POLD1: variants seen among roughly 807,000 people sequenced by gnomAD.
POLD1 encodes DNA polymerase delta 1, catalytic subunit, also known as DNA polymerase delta catalytic subunit.
Under a neutral mutation model 129.7 loss-of-function variants are expected in POLD1, and 79 were observed. The ratio of observed to expected loss-of-function variants is 0.61; its 90% CI spans 0.51 to 0.73. The LOEUF (loss-of-function observed/expected upper bound fraction) is 0.73. Ranked by LOEUF, POLD1 falls within the 30% of genes least tolerant of loss-of-function variation. The pLI is 0.00. For synonymous variants in POLD1, 714 were observed against 683.3 expected (o/e 1.04, Z -0.70); for missense variants, 1,338 against 1,595.8 (o/e 0.84, Z 2.75).
chr19:50,407,446 C>T (rs1002781666), intron 14 of POLD1, 31 bp downstream of exon 14: 12 of 1,449,222 alleles, frequency 8.3e-6, no homozygotes, highest in Non-Finnish European at 1.1e-5. Context: ...CAGTTTTTAC[C>T]TGTAATCTCT....
At position 50,403,549 on chromosome 19, in the gene POLD1, C is replaced by G. The variant is rs878854519; in HGVS notation, c.1194C>G (p.Ile398Met). 6 of 1,614,092 alleles carry G rather than the reference C, an allele frequency of 3.7e-6. No homozygotes were observed. Among genetic ancestry groups the G allele is most frequent in the Non-Finnish European group, 5.1e-6 (6 of 1,179,914 alleles). The change falls in exon 10 of 27, where the codon ATC becomes ATG. Residue 398 changes from isoleucine to methionine, a missense_variant. Physicochemically the swap from Ile to Met is conservative, Grantham distance 10 (BLOSUM62 1). Transcript: ENST00000440232. ...MDPDVITGYN[I>M]QNFDLPYLIS... The stretch of plus-strand genomic sequence containing the variant: ...CCGACGTGATCACCGGTTACAACAT[C>G]CAGAACTTCGACCTTCCGTACCTCA...
At chr19:50,387,360 C>T (rs536991714) in intron 1 of POLD1, among the ~76,000 whole-genome samples, 5 of 152,092 alleles carry the variant, frequency 3.3e-5, no homozygotes, top group Admixed American at 6.6e-5. Flanking sequence ...TCTCACTCAT[C>T]GAGAAAACTG....
chr19:50,398,903 G>T lies in POLD1; in HGVS notation c.52G>T (p.Ala18Ser). 6 of 1,600,730 alleles carry T rather than the reference G, an allele frequency of 3.7e-6. No homozygotes were observed. Among genetic ancestry groups the T allele is most frequent in the Non-Finnish European group, 5.1e-6 (6 of 1,175,136 alleles). ...AGGGCCCGGGGTGCCCCCAAAGCGG[G>T]CCCGTGGGGGCCTCTGGGATGATGA... is the stretch of plus-strand genomic sequence containing the variant. ...GPGPGVPPKR[A>S]RGGLWDDDDA... The change falls in exon 2 of 27, where the codon GCC (alanine) becomes TCC (serine). Residue 18 changes from alanine to serine, a missense_variant. This residue lies in a region of POLD1 where 332 missense variants were observed against 315.7 expected (regional missense o/e 1.05). Coordinates refer to ENST00000440232, the MANE Select transcript of POLD1 (RefSeq NM_002691.4).
chr19:50,400,133 A>ATT (rs71182715), intron 3 of POLD1, among the ~76,000 whole-genome samples: 787 of 48,110 alleles, frequency 0.016, 59 homozygotes, highest in South Asian at 0.029. Context: ...TTTTTAAAAG[A>ATT]TTTTTTTTTT....
intron 1 of POLD1, among the ~76,000 whole-genome samples, chr19:50,389,197 A>G (rs7248687): frequency 0.052 from 7,798 of 149,580 alleles, 684 homozygotes; most frequent in African/African-American, 0.18. Flanking sequence ...GGGTGGTCAC[A>G]GCTCACTGCA....
chr19:50,393,043 C>T (rs189690684), intron 1 of POLD1, among the ~76,000 whole-genome samples: 2 of 152,198 alleles, frequency 1.3e-5, no homozygotes, highest in East Asian at 1.9e-4. Context: ...GGATTTCAAA[C>T]GATGCTTCCG....
rs772384393 is a variant in POLD1, at chr19:50,401,824, C to T, written c.363C>T (p.Ser121=). The T allele has an allele frequency of 2.5e-6, 4 of 1,613,598 alleles. No homozygotes were observed. The highest frequency in any genetic ancestry group is 3.4e-6 in the Non-Finnish European group (4 of 1,179,906). ...GGGGGCCCCCACCATCCCGCGGCTC[C>T]GTGCCTGTGCTCCGCGCCTTCGGGG... ...VPGGPPPSRG[S]VPVLRAFGVT... The change falls in exon 4 of 27, where the codon TCC becomes TCT. Residue 121 remains serine (S), a synonymous_variant. Coordinates refer to ENST00000440232, the MANE Select transcript of POLD1 (RefSeq NM_002691.4).
chr19:50,416,599 C>T lies in POLD1; in HGVS notation c.2954-11C>T, dbSNP rs752596383. On this transcript the variant is annotated splice_polypyrimidine_tract_variant and intron_variant, in intron 23 of 26. Transcript: ENST00000440232. ...AGATCACCGGCCCACCACCTGCCTC[C>T]TCTCCTGCAGGGGGGGACCACACGC... The T allele has an allele frequency of 6.4e-7, 1 of 1,554,116 alleles. No homozygotes were observed. The highest frequency in any genetic ancestry group is 8.7e-7 in the Non-Finnish European group (1 of 1,152,700).
chr19:50,391,516 C>A (rs959889022), intron 1 of POLD1, among the ~76,000 whole-genome samples: 9 of 152,134 alleles, frequency 5.9e-5, no homozygotes, highest in African/African-American at 2.2e-4. Flanking sequence ...GCCAACACGG[C>A]GAAACCCCGT....
At chr19:50,384,553 G>T (rs1000042420) in intron 1 of POLD1, among the ~76,000 whole-genome samples, 163 bp downstream of exon 1, 1 of 151,936 alleles carries the variant, frequency 6.6e-6, no homozygotes, top group East Asian at 1.9e-4. Flanking sequence ...GAGGGCGCGG[G>T]GACGAGCAGG....
At chr19:50,401,391 A>ATATTTTTTTTTTTTTTTTT (rs1334231607) in intron 3 of POLD1, among the ~76,000 whole-genome samples, 1 of 65,990 alleles carries the variant, frequency 1.5e-5, no homozygotes, top group Non-Finnish European at 2.6e-5. Flanking sequence ...ATATATATAT[A>ATATTTTTTTTTTTTTTTTT]TTTTTTTTTT....
intron 1 of POLD1, among the ~76,000 whole-genome samples, chr19:50,394,664 A>G (rs1198276931): frequency 6.6e-6 from 1 of 151,984 alleles, no homozygotes; most frequent in Non-Finnish European, 1.5e-5. Context: ...AAAAAAAAAT[A>G]AGTAAAATAA....
At position 50,403,123 on chromosome 19, in the gene POLD1, G is replaced by A. The variant is rs41553718; in HGVS notation, c.1041G>A (p.Pro347=). ...ICSLGLRWGE[P]EPFLRLALTL... Reference sequence around the variant, plus strand: ...CGCTGGGCCTGCGCTGGGGGGAGCCGGAGCCCTTCCTACGCCTGGCGCTCA... The same window carrying A: ...CGCTGGGCCTGCGCTGGGGGGAGCCAGAGCCCTTCCTACGCCTGGCGCTCA... Residue 347 remains proline (P), a synonymous_variant, in exon 9 of 27, where the codon CCG becomes CCA. Transcript: ENST00000440232. 7.2e-5 allele frequency: 112 copies of A among 1,563,302 alleles called. No homozygotes were observed. In the Middle Eastern group the frequency reaches 1.2e-3, roughly 16 times the overall value.
At position 50,402,678 on chromosome 19, in the gene POLD1, C is replaced by T. The variant is rs756953109; in HGVS notation, c.907C>T (p.Pro303Ser). Residue 303 changes from proline (P) to serine (S), a missense_variant, in exon 8 of 27, where the codon CCA becomes TCA. Pro to Ser is a moderately conservative substitution (Grantham distance 74). Coordinates refer to ENST00000440232, the MANE Select transcript of POLD1 (RefSeq NM_002691.4). ...CGTGGTCAGTCACCCACCGGAAGGGCCATGGCAGCGCATTGCGCCCTTGCG... is the reference window on the plus strand; with the variant it reads ...CGTGGTCAGTCACCCACCGGAAGGGTCATGGCAGCGCATTGCGCCCTTGCG... ...SDVVSHPPEG[P>S]WQRIAPLRVL... The T allele has an allele frequency of 6.2e-7, 1 of 1,601,054 alleles. No homozygotes were observed. Among genetic ancestry groups the T allele is most frequent in the East Asian group, 2.3e-5 (1 of 44,406 alleles).
chr19:50,416,349 G>A (rs1191754082), intron 22 of POLD1, 47 bp from the exon 23 acceptor site: 22 of 1,541,148 alleles, frequency 1.4e-5, no homozygotes, highest in South Asian at 7.2e-5. Flanking sequence ...TGTCCACCCC[G>A]GTGCCCTTTC....
intron 1 of POLD1, among the ~76,000 whole-genome samples, chr19:50,390,923 C>CAGA (rs1342490875): frequency 2.0e-5 from 3 of 152,170 alleles, no homozygotes; most frequent in Non-Finnish European, 4.4e-5. Flanking sequence ...CATCCCAAGG[C>CAGA]AGAATTTTTC....
chr19:50,395,523 G>A (rs1036326783), intron 1 of POLD1, among the ~76,000 whole-genome samples: 1 of 151,788 alleles, frequency 6.6e-6, no homozygotes, highest in Non-Finnish European at 1.5e-5. Flanking sequence ...GGCGGAGCTT[G>A]CAGTGAGCCG....
chr19:50,391,302 C>G (rs555989962), intron 1 of POLD1, among the ~76,000 whole-genome samples: 2 of 152,010 alleles, frequency 1.3e-5, no homozygotes, highest in Admixed American at 1.3e-4. Flanking sequence ...GGGTGGCGGC[C>G]GGGCAGAGGC....
chr19:50,416,294 G>T (rs952662711), intron 22 of POLD1, 102 bp from the exon 23 acceptor site: 3 of 1,239,296 alleles, frequency 2.4e-6, no homozygotes, highest in African/African-American at 3.0e-5. Flanking sequence ...GTCACAGCCC[G>T]CAGGCAGGCC....
Sources: allele counts gnomAD v4.1 joint callset (sites outside exome capture counted in the v4.1 genomes callset), GRCh38; gene constraint gnomAD v4.1.1; regional missense constraint gnomAD v4.1.1; transcripts MANE v1.5; gene names NCBI Gene and HGNC (gene_info 2026-07-23, HGNC 2026-07-21).